UGT1A5: variants seen among roughly 807,000 people sequenced by gnomAD.
UGT1A5 encodes UDP-glucuronosyltransferase 1A5.
Under a neutral mutation model 40.3 loss-of-function variants are expected in UGT1A5, and 29 were observed. The observed-to-expected ratio is 0.72, with a 90% confidence interval of 0.54 to 0.98. The LOEUF is 0.98. UGT1A5 is among the 50% of genes least tolerant of loss of function. The pLI, the probability that UGT1A5 is intolerant of heterozygous loss-of-function variation, is 0.00. For synonymous variants in UGT1A5, 257 were observed against 262.5 expected, an observed-to-expected ratio of 0.98 and a Z score of 0.20; for missense variants, 678 against 677.9, an observed-to-expected ratio of 1.00 and a Z score of 0.00.
At position 233,747,438 on chromosome 2, in the gene UGT1A5, A is replaced by G; in HGVS notation, c.868-19596A>G. The G allele has an allele frequency of 1.2e-6, 2 of 1,608,812 alleles. 1 individual carries two copies. On this transcript the variant is annotated intron_variant, in intron 1 of 4. Transcript: ENST00000373414. ...GCACATCAAACAAGAGAAATTTTTC[A>G]CCCTGACAACCTATGCCATTTCATG...
chr2:233,734,814 T>C (rs1435677424), intron 1 of UGT1A5, among the ~76,000 whole-genome samples: 1 of 152,246 alleles, frequency 6.6e-6, no homozygotes, highest in East Asian at 1.9e-4. Flanking sequence ...TTCCATGTAG[T>C]TGTGCGATTT....
At chr2:233,730,660 G>A (rs979166401) in intron 1 of UGT1A5, among the ~76,000 whole-genome samples, 21 of 152,010 alleles carry the variant, frequency 1.4e-4, no homozygotes, top group African/African-American at 5.1e-4. Flanking sequence ...CTCAGAGTTC[G>A]GAAGGCAAAG....
Position 233,772,828 on chromosome 2 carries a change from C to T in UGT1A5, c.*269C>T, listed in dbSNP as rs762669023. The stretch of plus-strand genomic sequence containing the variant: ...TTCAGAGGACGTGCAGACAGGCTGG[C>T]ATTCTAGATTACTTTTCTTACTCTG... On this transcript the variant is annotated 3_prime_UTR_variant, in exon 5 of 5. Coordinates refer to ENST00000373414, the MANE Select transcript of UGT1A5 (RefSeq NM_019078.2). 7.5e-5 allele frequency: 69 copies of T among 921,010 alleles called. No individual in the cohort carries two copies. The highest frequency in any genetic ancestry group is 9.8e-5 in the Non-Finnish European group (65 of 663,798). 57.1% of individuals were successfully genotyped at this position (921,010 alleles called of 1,614,324 possible).
chr2:233,731,446 C>G (rs1336068752), intron 1 of UGT1A5, among the ~76,000 whole-genome samples: 3 of 152,132 alleles, frequency 2.0e-5, no homozygotes, highest in Non-Finnish European at 4.4e-5. Flanking sequence ...GTCCCCCACC[C>G]CACAACAGGC....
Position 233,769,399 on chromosome 2 carries a change from ATGTGCGTGTGCGTT to A in UGT1A5, c.1307+966_1307+979del. On this transcript the variant is annotated intron_variant, in intron 4 of 4. Coordinates refer to ENST00000373414, the MANE Select transcript of UGT1A5 (RefSeq NM_019078.2). This position sits in a 1 kb window ranked among gnomAD's most constrained non-coding sequence, Gnocchi z 4.4. ...ATCCGACAATAGATACTGTGTGCATATGTGCGTGTGCGTTTGTGCATGTGGCTGTGCTCATGTGT... is the reference window on the plus strand; with the variant it reads ...ATCCGACAATAGATACTGTGTGCATATGTGCATGTGGCTGTGCTCATGTGT... 1 of 1,170,288 alleles carries A rather than the reference ATGTGCGTGTGCGTT, an allele frequency of 8.5e-7. No homozygotes were observed. Among genetic ancestry groups the A allele is most frequent in the Non-Finnish European group, 1.2e-6 (1 of 810,196 alleles). 72.5% of individuals were successfully genotyped at this position (1,170,288 alleles called of 1,614,324 possible).
chr2:233,718,848 C>A, intron 1 of UGT1A5: 1 of 1,613,708 alleles, frequency 6.2e-7, no homozygotes, highest in Non-Finnish European at 8.5e-7. Flanking sequence ...GGTTCCCCTG[C>A]CGCGGCTGGC....
In UGT1A5 at chr2:233,720,871, A is replaced by ATTTT. The variant is rs60621337; in HGVS notation, c.867+7029_867+7032dup. Among the ~76,000 whole-genome samples, 199 of 132,762 alleles carry ATTTT rather than the reference A, an allele frequency of 1.5e-3. 2 individuals carry two copies. Among genetic ancestry groups the ATTTT allele is most frequent in the African/African-American group, 3.9e-3 (137 of 34,978 alleles). 87.1% of individuals were successfully genotyped at this position (132,762 alleles called of 152,430 possible). On this transcript the variant is annotated intron_variant, in intron 1 of 4. Coordinates refer to ENST00000373414, the MANE Select transcript of UGT1A5 (RefSeq NM_019078.2). Reference sequence around the variant, plus strand: ...CAGGCATGTGCCACTGCTCCTGGCAATTTTTTTTTTTTTTTTTTTAGTAGA... The same window carrying ATTTT: ...CAGGCATGTGCCACTGCTCCTGGCAATTTTTTTTTTTTTTTTTTTTTTTAGTAGA...
intron 1 of UGT1A5, among the ~76,000 whole-genome samples, chr2:233,757,571 A>G (rs112550375): frequency 3.9e-5 from 3 of 77,334 alleles, no homozygotes; most frequent in African/African-American, 1.8e-4. Flanking sequence ...TGTATATATG[A>G]TATAGCTATA....
chr2:233,728,830 A>G (rs2077754446), intron 1 of UGT1A5, among the ~76,000 whole-genome samples: 1 of 152,224 alleles, frequency 6.6e-6, no homozygotes. Context: ...GGGTGTTCAC[A>G]GCCTTGTGTT....
chr2:233,734,937 T>C lies in UGT1A5; in HGVS notation c.867+21079T>C, dbSNP rs140853448. 9.9e-3 allele frequency among the ~76,000 whole-genome samples: 1,505 copies of C among 152,312 alleles called. 23 individuals are homozygous for C. Among genetic ancestry groups the C allele is most frequent in the African/African-American group, 0.035 (1,436 of 41,556 alleles). On this transcript the variant is annotated intron_variant, in intron 1 of 4. Coordinates refer to ENST00000373414, the MANE Select transcript of UGT1A5 (RefSeq NM_019078.2). ...CTAAGGAGTGCTTTACTTACAATCA[T>C]ATGGTCAGTTTTAGAATAAGTGTGA...
In UGT1A5 at chr2:233,743,247, C is replaced by T. The variant is rs569147758; in HGVS notation, c.868-23787C>T. The T allele has an allele frequency of 9.0e-4, 388 of 431,248 alleles. 10 individuals are homozygous for T. The highest frequency in any genetic ancestry group is 7.4e-3 in the African/African-American group (352 of 47,686). 26.7% of individuals were successfully genotyped at this position (431,248 alleles called of 1,614,324 possible). ...CTATTTATTATGAAGGACTTTAACTCAACTCTCCATCTTCCTCCACTTCCA... is the reference window on the plus strand; with the variant it reads ...CTATTTATTATGAAGGACTTTAACTTAACTCTCCATCTTCCTCCACTTCCA... On this transcript the variant is annotated intron_variant, in intron 1 of 4. Transcript: ENST00000373414.
At position 233,713,051 on chromosome 2, in the gene UGT1A5, C is replaced by T; in HGVS notation, c.60C>T (p.Leu20=). Residue 20 remains leucine, a synonymous_variant, in exon 1 of 5, where the codon CTC becomes CTT. Transcript: ENST00000373414. ...TGGCCACAGGACTGCTGCTTCTCCT[C>T]AGTGTCCAGCCCTGGGCTGAGAGTG... is the stretch of plus-strand genomic sequence containing the variant. The part of the protein sequence containing the change: ...PQLATGLLLL[L]SVQPWAESGK... 6.2e-7 allele frequency: 1 copy of T among 1,614,118 alleles called. No individual in the cohort carries two copies.
At position 233,760,866 on chromosome 2, in the gene UGT1A5, G is replaced by A. The variant is rs1437871677; in HGVS notation, c.868-6168G>A. On this transcript the variant is annotated intron_variant, in intron 1 of 4. Transcript: ENST00000373414. ...AGTGCCCCAACCCATTCTCCTACGT[G>A]CCCAGGCCTCTCTCCTCTCATTCAG... is the stretch of plus-strand genomic sequence containing the variant. 3.7e-6 allele frequency: 6 copies of A among 1,613,948 alleles called. No homozygotes were observed. In the African/African-American group the frequency reaches 8.0e-5, roughly 22 times the overall value.
intron 1 of UGT1A5, among the ~76,000 whole-genome samples, chr2:233,715,449 T>C (rs2076452367): frequency 6.6e-6 from 1 of 152,180 alleles, no homozygotes; most frequent in African/African-American, 2.4e-5. Context: ...TCCTATGTTA[T>C]TTTTTGAATT....
chr2:233,720,312 A>G (rs1277563393), intron 1 of UGT1A5, among the ~76,000 whole-genome samples: 1 of 152,106 alleles, frequency 6.6e-6, no homozygotes, highest in African/African-American at 2.4e-5. Context: ...CTGGTGTATG[A>G]TGTGGGGACA....
intron 1 of UGT1A5, chr2:233,729,486 G>C: frequency 6.2e-7 from 1 of 1,614,202 alleles, no homozygotes; most frequent in Non-Finnish European, 8.5e-7. Context: ...TGAACAATAT[G>C]TCTTTGGTCT....
In UGT1A5 at chr2:233,769,728, G is replaced by A. The variant is rs1027354407; in HGVS notation, c.1307+1289G>A. The stretch of plus-strand genomic sequence containing the variant: ...ATGTTGGCTAGGCACCATGGCACAC[G>A]CCTGTAGTCCCAGCCACTCTGGAGG... On this transcript the variant is annotated intron_variant, in intron 4 of 4. Coordinates refer to ENST00000373414, the MANE Select transcript of UGT1A5 (RefSeq NM_019078.2). This position sits in a 1 kb window ranked among gnomAD's most constrained non-coding sequence, Gnocchi z 4.4. The A allele has an allele frequency of 4.6e-5, 67 of 1,472,430 alleles. No homozygotes were observed. The highest frequency in any genetic ancestry group is 5.8e-5 in the Non-Finnish European group (64 of 1,110,636). 91.2% of individuals were successfully genotyped at this position (1,472,430 alleles called of 1,614,324 possible). A position where few individuals can be genotyped will look rare whatever the true frequency, so the allele number is the denominator to read the frequency against.
intron 1 of UGT1A5, chr2:233,747,911 C>T (rs1693810314): frequency 6.2e-7 from 1 of 1,613,510 alleles, no homozygotes; most frequent in East Asian, 2.2e-5. Flanking sequence ...CTTATGCAAG[C>T]CTTGCCTCTG....
In UGT1A5 at chr2:233,743,718, G is replaced by A. The variant is rs751411472; in HGVS notation, c.868-23316G>A. The stretch of plus-strand genomic sequence containing the variant: ...CCCTCCGCCCCCGCCTCGCCATAGC[G>A]GTCATAGATATCGCGTTTCTTGGCG... On this transcript the variant is annotated intron_variant, in intron 1 of 4. Transcript: ENST00000373414. The A allele has an allele frequency of 1.2e-5, 16 of 1,367,210 alleles. No homozygotes were observed. In the East Asian group the frequency reaches 1.8e-4, roughly 16 times the overall value. 84.7% of individuals were successfully genotyped at this position (1,367,210 alleles called of 1,614,324 possible). A position where few individuals can be genotyped will look rare whatever the true frequency, so the allele number is the denominator to read the frequency against.
Sources: gnomAD v4.1 joint callset for allele counts (sites outside exome capture counted in the v4.1 genomes callset) on GRCh38, gnomAD v4.1.1 for gene constraint, Gnocchi (gnomAD v3.1) non-coding constraint, MANE v1.5 for transcripts, NCBI Gene and HGNC (gene_info 2026-07-23, HGNC 2026-07-21) for gene names.